Variants in CHD2 observed in about 807,000 individuals in gnomAD.
CHD2 encodes chromodomain helicase DNA binding protein 2.
CHD2 carries 28 observed loss-of-function variants against 243.9 expected under a neutral mutation model. The ratio of observed to expected loss-of-function variants is 0.11; its 90% CI spans 0.09 to 0.16. The LOEUF (loss-of-function observed/expected upper bound fraction) is 0.16. Among genes scored for constraint, CHD2 ranks in the 10% least tolerant of loss-of-function variants. The pLI is 1.00. For synonymous variants in CHD2, 775 were observed against 779.0 expected, an observed-to-expected ratio of 0.99 and a Z score of 0.09; for missense variants, 1,386 against 2,209.8, an observed-to-expected ratio of 0.63 and a Z score of 7.47.
At chr15:92,963,539 A>T (rs2053716866) in intron 16 of CHD2, among the ~76,000 whole-genome samples, 1 of 152,234 alleles carries the variant, frequency 6.6e-6, no homozygotes, top group Non-Finnish European at 1.5e-5. Context: ...GAGAAAAAAA[A>T]TATATACTAT....
At chr15:92,916,473 T>G (rs2052838101) in intron 2 of CHD2, among the ~76,000 whole-genome samples, 1 of 152,270 alleles carries the variant, frequency 6.6e-6, no homozygotes, top group Non-Finnish European at 1.5e-5. Context: ...AACAGAGCTC[T>G]GAATATTTAT....
chr15:92,902,830 G>T (rs949833749), intron 2 of CHD2: 2 of 152,142 alleles, frequency 1.3e-5, no homozygotes, highest in Non-Finnish European at 2.9e-5. Context: ...GGTCTCACAT[G>T]GGTTTTGGCT....
rs1013607448 is a variant in CHD2, at chr15:92,994,423, TAAC to T, written c.3595+1426_3595+1428del. 1.1e-3 allele frequency among the ~76,000 whole-genome samples: 163 copies of T among 152,116 alleles called. 1 individual carries two copies. The highest frequency in any genetic ancestry group is 3.5e-3 in the African/African-American group (147 of 41,576). Reference sequence around the variant, plus strand: ...AAAAAATTATTTTATTATTCAATAATAACCTTAATATTATTGAATTTGATATAA... The same window carrying T: ...AAAAAATTATTTTATTATTCAATAATCTTAATATTATTGAATTTGATATAA... On this transcript the variant is annotated intron_variant, in intron 28 of 38. Coordinates refer to ENST00000394196, the MANE Select transcript of CHD2 (RefSeq NM_001271.4).
At position 92,916,266 on chromosome 15, in the gene CHD2, G is replaced by A. The variant is rs72761945; in HGVS notation, c.63-8055G>A. 5.7e-3 allele frequency among the ~76,000 whole-genome samples: 867 copies of A among 152,240 alleles called. 4 individuals carry two copies. Among genetic ancestry groups the A allele is most frequent in the Non-Finnish European group, 9.2e-3 (629 of 68,018 alleles). Reference sequence around the variant, plus strand: ...TCAGGACCTCCTGAGGATGTGTCACGGGCACGTCCTTAACCTTGGCAAAAT... The same window carrying A: ...TCAGGACCTCCTGAGGATGTGTCACAGGCACGTCCTTAACCTTGGCAAAAT... On this transcript the variant is annotated intron_variant, in intron 2 of 38. Coordinates refer to ENST00000394196, the MANE Select transcript of CHD2 (RefSeq NM_001271.4).
intron 13 of CHD2, among the ~76,000 whole-genome samples, chr15:92,950,109 C>G (rs181194892): frequency 1.3e-5 from 2 of 152,286 alleles, no homozygotes; most frequent in Admixed American, 1.3e-4. Flanking sequence ...AATGCCTGGG[C>G]ACGTTCGGAC....
At chr15:92,985,451 T>C in intron 25 of CHD2, 47 bp from the exon 26 acceptor site, 1 of 1,548,558 alleles carries the variant, frequency 6.5e-7, no homozygotes, top group Non-Finnish European at 8.7e-7. Context: ...TTTCACCACT[T>C]GAACTTCGCA....
rs544065077 is a variant in CHD2, at chr15:92,936,230, A to G, written c.444-1288A>G. 1.6e-3 allele frequency among the ~76,000 whole-genome samples: 238 copies of G among 152,304 alleles called. 1 individual carries two copies. Among genetic ancestry groups the G allele is most frequent in the African/African-American group, 5.6e-3 (232 of 41,572 alleles). The stretch of plus-strand genomic sequence containing the variant: ...TCTGCACATCAGCCACCTCCTTTCA[A>G]TAAGCTTTCACCATTACTTGACCTG... On this transcript the variant is annotated intron_variant, in intron 5 of 38. Coordinates refer to ENST00000394196, the MANE Select transcript of CHD2 (RefSeq NM_001271.4).
At chr15:92,940,892 AAAT>A (rs1385351027) in intron 7 of CHD2, among the ~76,000 whole-genome samples, 7 of 88,480 alleles carry the variant, frequency 7.9e-5, no homozygotes, top group East Asian at 1.2e-3. Flanking sequence ...ATATATATAA[AAAT>A]ATATATAAAT....
chr15:92,972,445 G>A (rs1170306507), intron 19 of CHD2, 28 bp downstream of exon 19: 1 of 1,558,422 alleles, frequency 6.4e-7, no homozygotes, highest in Non-Finnish European at 8.7e-7. Context: ...ATTGCTGTGG[G>A]GGGAATCAAT....
At chr15:92,920,409 G>A (rs555343746) in intron 2 of CHD2, among the ~76,000 whole-genome samples, 13 of 152,346 alleles carry the variant, frequency 8.5e-5, no homozygotes, top group African/African-American at 2.2e-4. Context: ...TATATAAAAT[G>A]TAGTGAATTT....
intron 34 of CHD2, among the ~76,000 whole-genome samples, chr15:93,005,261 A>T (rs2054305887): frequency 6.6e-6 from 1 of 152,154 alleles, no homozygotes; most frequent in South Asian, 2.1e-4. Flanking sequence ...GGTTGCCAGG[A>T]GGGCTTGTGT....
chr15:92,979,711 T>C (rs981493158), intron 22 of CHD2, among the ~76,000 whole-genome samples: 2 of 151,698 alleles, frequency 1.3e-5, no homozygotes, highest in African/African-American at 4.8e-5. Flanking sequence ...AAAAAGAAAG[T>C]AATGAAGTTT....
chr15:92,914,869 A>G (rs2052805199), intron 2 of CHD2: 1 of 152,230 alleles, frequency 6.6e-6, no homozygotes, highest in African/African-American at 2.4e-5. Context: ...ACAGGAAAAC[A>G]ACATAGTACA....
chr15:93,026,977 C>T lies in CHD2; in HGVS notation c.*2272C>T, dbSNP rs1274723160. On this transcript the variant is annotated 3_prime_UTR_variant, in exon 39 of 39. Transcript: ENST00000394196. ...TGAGTTATGCCCAGAGATGTCTTAT[C>T]GTGAGGAAAAAGAAACTTCCTTTTG... 3.3e-5 allele frequency: 5 copies of T among 152,584 alleles called. No homozygotes were observed. The highest frequency in any genetic ancestry group is 3.9e-4 in the East Asian group (2 of 5,186). The allele number at this position is 152,584 out of a possible 1,614,324, so 9.5% of individuals were successfully genotyped here.
intron 13 of CHD2, among the ~76,000 whole-genome samples, chr15:92,951,089 C>A (rs1363482227): frequency 1.3e-5 from 2 of 152,176 alleles, no homozygotes; most frequent in African/African-American, 4.8e-5. Flanking sequence ...ATTGAAGACT[C>A]TTAGGAACAA....
chr15:92,946,285 GT>G, intron 12 of CHD2, 69 bp downstream of exon 12: 1 of 1,215,556 alleles, frequency 8.2e-7, no homozygotes, highest in Non-Finnish European at 1.1e-6. Context: ...GGACACATAT[GT>G]GCTGAGAAAA....
At chr15:93,013,045 C>T (rs1048223872) in intron 36 of CHD2, among the ~76,000 whole-genome samples, 12 of 152,220 alleles carry the variant, frequency 7.9e-5, no homozygotes, top group African/African-American at 2.9e-4. Flanking sequence ...TCCACTAATG[C>T]GTCAGCTCCA....
At chr15:92,911,286 T>A (rs2052729855) in intron 2 of CHD2, among the ~76,000 whole-genome samples, 1 of 152,200 alleles carries the variant, frequency 6.6e-6, no homozygotes, top group South Asian at 2.1e-4. Flanking sequence ...TTTATGTAAT[T>A]CTCACCACTC....
At chr15:92,969,463 A>AGT (rs2053811604) in intron 17 of CHD2, among the ~76,000 whole-genome samples, 1 of 152,338 alleles carries the variant, frequency 6.6e-6, no homozygotes, top group South Asian at 2.1e-4. Flanking sequence ...CGTGTTCTGC[A>AGT]GTACCCTCGA....
Sources: gnomAD v4.1 joint callset for allele counts (sites outside exome capture counted in the v4.1 genomes callset) on GRCh38, gnomAD v4.1.1 for gene constraint, MANE v1.5 for transcripts, NCBI Gene and HGNC (gene_info 2026-07-23, HGNC 2026-07-21) for gene names.